XDH: variants seen among roughly 807,000 people sequenced by gnomAD.
XDH encodes the protein xanthine dehydrogenase, also known as xanthine dehydrogenase/oxidase.
In XDH, 138 loss-of-function variants were observed where a neutral mutation model predicts 156.1. The ratio of observed to expected loss-of-function variants is 0.88; its 90% confidence interval spans 0.77 to 1.02. The LOEUF (loss-of-function observed/expected upper bound fraction) is 1.02, where lower values mean the gene tolerates loss of function less well. XDH is among the 50% of genes least tolerant of loss of function. XDH has a pLI of 0.00. For synonymous variants in XDH, 669 were observed against 625.7 expected (o/e 1.07, Z -1.03); for missense variants, 1,849 against 1,684.9 (o/e 1.10, Z -1.71).
intron 24 of XDH, among the ~76,000 whole-genome samples, 200 bp from the exon 25 acceptor site, chr2:31,350,423 C>T (rs1230155135): frequency 4.2e-5 from 5 of 119,762 alleles, no homozygotes; most frequent in Non-Finnish European, 7.9e-5. Flanking sequence ...TGTCACCAGG[C>T]TGGAGTGCAG....
rs1317891730 is a variant in XDH, at chr2:31,397,661, C to T, written c.495+7G>A. The T allele has an allele frequency of 6.2e-7, 1 of 1,614,024 alleles. No individual in the cohort carries two copies. The highest frequency in any genetic ancestry group is 1.3e-5 in the African/African-American group (1 of 74,898). On this transcript the variant is annotated splice_region_variant and intron_variant, in intron 6 of 35. Transcript: ENST00000379416. ...AGAGACACTGATGTTCTGGGGTCCC[C>T]ACTTACCCTGGCAAAGGTCCGGAAG...
chr2:31,383,211 T>A, intron 10 of XDH, 59 bp from the exon 11 acceptor site: 4 of 1,612,772 alleles, frequency 2.5e-6, no homozygotes, highest in Non-Finnish European at 3.4e-6. Flanking sequence ...GAGGCTTTCA[T>A]GCACAGCTCC....
At position 31,375,385 on chromosome 2, in the gene XDH, C is replaced by T. The variant is rs147476468; in HGVS notation, c.1597G>A (p.Glu533Lys). 692 of 1,614,186 alleles carry T rather than the reference C, an allele frequency of 4.3e-4. 2 individuals are homozygous for T. Among genetic ancestry groups the T allele is most frequent in the Non-Finnish European group, 5.4e-4 (636 of 1,180,036 alleles). ...CCTGGCCAGGCCCCACTCACGTCTT[C>T]CAGGTTCTCTTGGCCCAGCTTCTGA... ...VLQKLGQENLEDKCGKLDPTF... is the reference protein window; with the variant it reads ...VLQKLGQENLKDKCGKLDPTF... Residue 533 changes from glutamate (E) to lysine (K), a missense_variant, in exon 15 of 36, where the codon GAA (glutamate) becomes AAA (lysine). Transcript: ENST00000379416.
At chr2:31,394,409 G>A (rs1686849232) in intron 6 of XDH, among the ~76,000 whole-genome samples, 1 of 152,104 alleles carries the variant, frequency 6.6e-6, no homozygotes, top group Admixed American at 6.5e-5. Context: ...CTCTTCTATA[G>A]GTGAGGGGTG....
At chr2:31,345,657 A>C (rs1282922802) in intron 30 of XDH, among the ~76,000 whole-genome samples, 1 of 152,022 alleles carries the variant, frequency 6.6e-6, no homozygotes, top group East Asian at 1.9e-4. Flanking sequence ...AACCTGCACT[A>C]GTCATTTAAC....
intron 22 of XDH, 23 bp from the exon 23 acceptor site, chr2:31,365,567 G>A (rs1320959170): frequency 6.2e-6 from 10 of 1,613,876 alleles, no homozygotes; most frequent in Non-Finnish European, 8.5e-6. Flanking sequence ...GACAGTGTTA[G>A]AAGCCTGTGA....
chr2:31,367,884 G>A (rs1157477601), intron 20 of XDH, 77 bp downstream of exon 20: 1 of 1,355,628 alleles, frequency 7.4e-7, no homozygotes, highest in Admixed American at 1.7e-5. Context: ...CCTGCTTCAG[G>A]GTTCAATGCA....
chr2:31,370,252 G>T, intron 18 of XDH, 103 bp downstream of exon 18: 1 of 1,375,178 alleles, frequency 7.3e-7, no homozygotes, highest in Non-Finnish European at 1.0e-6. Context: ...CATAATCCAT[G>T]CAAATGTATA....
intron 6 of XDH, among the ~76,000 whole-genome samples, chr2:31,393,800 C>CTTTTTTTTTTTTTTTTTT (rs34575198): frequency 7.1e-6 from 1 of 140,454 alleles, no homozygotes; most frequent in Non-Finnish European, 1.5e-5. Flanking sequence ...TTCCTTTTTT[C>CTTTTTTTTTTTTTTTTTT]TTTTTTTTTT....
chr2:31,347,942 C>G (rs1329850062), intron 28 of XDH, among the ~76,000 whole-genome samples: 2 of 152,230 alleles, frequency 1.3e-5, no homozygotes, highest in Non-Finnish European at 2.9e-5. Flanking sequence ...TGTGCTGACT[C>G]TAATCCAGCT....
intron 11 of XDH, 33 bp downstream of exon 11, chr2:31,382,968 T>C (rs1479655519): frequency 6.2e-7 from 1 of 1,613,796 alleles, no homozygotes; most frequent in Admixed American, 1.7e-5. Flanking sequence ...AGCTCCATCC[T>C]ACGGGCCTCG....
chr2:31,356,481 A>G (rs1685626172), intron 24 of XDH, among the ~76,000 whole-genome samples: 2 of 152,176 alleles, frequency 1.3e-5, no homozygotes, highest in Admixed American at 1.3e-4. Flanking sequence ...AAGTATGTCT[A>G]GGTAGACAAG....
intron 13 of XDH, 68 bp downstream of exon 13, chr2:31,379,799 T>A: frequency 6.7e-7 from 1 of 1,484,510 alleles, no homozygotes; most frequent in South Asian, 1.1e-5. Flanking sequence ...CAGATTCTGA[T>A]CTCTTTGTCT....
chr2:31,385,023 G>T (rs1225738058), intron 9 of XDH, among the ~76,000 whole-genome samples: 1 of 152,088 alleles, frequency 6.6e-6, no homozygotes, highest in Non-Finnish European at 1.5e-5. Context: ...ATTTCTCTTG[G>T]AATCCAACTG....
In XDH at chr2:31,339,601, T is replaced by C. The variant is rs376191022; in HGVS notation, c.3662A>G (p.His1221Arg). ...CTTGTAGGTGCTAGGGCCACGGGTG[T>C]GCAGGCTCCCCTCGGGGGAATAGTG... ...ELHYSPEGSL[H>R]TRGPSTYKIP... The change falls in exon 34 of 36, where the codon CAC (histidine) becomes CGC (arginine). Residue 1221 changes from histidine (H) to arginine (R), a missense_variant. Coordinates refer to ENST00000379416, the MANE Select transcript of XDH (RefSeq NM_000379.4). 3.3e-5 allele frequency: 53 copies of C among 1,614,004 alleles called. No homozygotes were observed. The East Asian group carries it at 1.1e-3, about 34-fold the overall frequency.
At chr2:31,414,476 A>G in intron 1 of XDH, 149 bp downstream of exon 1, 1 of 1,191,628 alleles carries the variant, frequency 8.4e-7, no homozygotes, top group Non-Finnish European at 1.2e-6. Context: ...TGTTACCAAA[A>G]TGCAGCGACA....
At chr2:31,345,422 T>C (rs1685254116) in intron 30 of XDH, among the ~76,000 whole-genome samples, 1 of 152,212 alleles carries the variant, frequency 6.6e-6, no homozygotes, top group Admixed American at 6.5e-5. Context: ...TATAATGTGC[T>C]TTTTTGGTAT....
At chr2:31,370,200 T>C (rs562087165) in intron 18 of XDH, among the ~76,000 whole-genome samples, 155 bp downstream of exon 18, 1 of 152,332 alleles carries the variant, frequency 6.6e-6, no homozygotes, top group Middle Eastern at 3.4e-3. Flanking sequence ...ACATATTCTA[T>C]CTTTTTGGAT....
chr2:31,340,924 C>T (rs1685107564), intron 33 of XDH, among the ~76,000 whole-genome samples: 1 of 152,178 alleles, frequency 6.6e-6, no homozygotes, highest in Non-Finnish European at 1.5e-5. Flanking sequence ...GGTACAAAAG[C>T]TGTCCTAGGT....
Sources: gnomAD v4.1 joint callset for allele counts (sites outside exome capture counted in the v4.1 genomes callset) on GRCh38, gnomAD v4.1.1 for gene constraint, MANE v1.5 for transcripts, NCBI Gene and HGNC (gene_info 2026-07-23, HGNC 2026-07-21) for gene names.